Variants in ANK2 observed in about 807,000 individuals in gnomAD.
ANK2 encodes the protein ankyrin 2, also known as ankyrin-2.
In ANK2, 83 loss-of-function variants were observed where a neutral mutation model predicts 360.5. The ratio of observed to expected loss-of-function variants is 0.23; its 90% CI spans 0.19 to 0.28. ANK2 has a LOEUF of 0.28. Among genes scored for constraint, ANK2 ranks in the 10% least tolerant of loss-of-function variants. ANK2 has a pLI of 1.00. For synonymous variants in ANK2, 1,740 were observed against 1,759.5 expected (o/e 0.99, Z 0.28); for missense variants, 4,201 against 4,795.7 (o/e 0.88, Z 3.66).
At chr4:112,889,377 A>G (rs886349237) in intron 1 of ANK2, among the ~76,000 whole-genome samples, 5 of 152,164 alleles carry the variant, frequency 3.3e-5, no homozygotes, top group Non-Finnish European at 5.9e-5. Context: ...ATAGACTATT[A>G]TATACACTTA....
At position 113,381,497 on chromosome 4, in the gene ANK2, G is replaced by A; in HGVS notation, c.*26G>A. Reference sequence around the variant, plus strand: ...AGCCATCACACAGAAGAGGGCTGTGGTGAAGGACCAGCATGGAAAACGCAT... The same window carrying A: ...AGCCATCACACAGAAGAGGGCTGTGATGAAGGACCAGCATGGAAAACGCAT... On this transcript the variant is annotated 3_prime_UTR_variant, in exon 46 of 46. Coordinates refer to ENST00000357077, the MANE Select transcript of ANK2 (RefSeq NM_001148.6). The A allele has an allele frequency of 6.2e-7, 1 of 1,614,100 alleles. No individual in the cohort carries two copies.
chr4:113,277,789 G>A (rs2153697963), intron 15 of ANK2, 48 bp from the exon 16 acceptor site: 1 of 1,446,842 alleles, frequency 6.9e-7, no homozygotes. Context: ...ATTTTTTGAG[G>A]AGTTACAACA....
At chr4:113,360,223 CA>C (rs1279186381) in intron 38 of ANK2, among the ~76,000 whole-genome samples, 2 of 152,092 alleles carry the variant, frequency 1.3e-5, no homozygotes, top group African/African-American at 4.8e-5. Flanking sequence ...AAACTTTGCC[CA>C]AAAGACATAT....
At chr4:113,371,014 T>C in intron 43 of ANK2, among the ~76,000 whole-genome samples, 1 of 152,178 alleles carries the variant, frequency 6.6e-6, no homozygotes. Context: ...TAATATAAAT[T>C]AAATTAGATA....
At chr4:113,264,364 G>A (rs1001508277) in intron 13 of ANK2, among the ~76,000 whole-genome samples, 2 of 152,158 alleles carry the variant, frequency 1.3e-5, no homozygotes, top group Non-Finnish European at 2.9e-5. Flanking sequence ...AGTTAAGTGA[G>A]ACAATGACAG....
chr4:113,116,054 G>A (rs918946059), intron 1 of ANK2, among the ~76,000 whole-genome samples: 1 of 152,158 alleles, frequency 6.6e-6, no homozygotes, highest in African/African-American at 2.4e-5. Context: ...AACTATGGCA[G>A]TATAGGTAAT....
In ANK2 at chr4:113,355,155, A is replaced by T. The variant is rs770096460; in HGVS notation, c.6537A>T (p.Pro2179=). ...VLTSPFNTTF[P]LDYMKDEFLP... is the part of the protein sequence containing the mutation. ...CTAGTCCTTTCAACACAACATTTCC[A>T]CTCGACTACATGAAAGATGAGTTCC... The change falls in exon 38 of 46, where the codon CCA becomes CCT. Residue 2179 remains proline (P), a synonymous_variant. Coordinates refer to ENST00000357077, the MANE Select transcript of ANK2 (RefSeq NM_001148.6). The T allele has an allele frequency of 3.1e-6, 5 of 1,614,058 alleles. No homozygotes were observed. The highest frequency in any genetic ancestry group is 4.2e-6 in the Non-Finnish European group (5 of 1,179,974).
intron 1 of ANK2, among the ~76,000 whole-genome samples, chr4:113,163,159 C>T (rs1013671678): frequency 6.6e-6 from 1 of 152,034 alleles, no homozygotes; most frequent in African/African-American, 2.4e-5. Flanking sequence ...GATTTGTTGA[C>T]ACTGTTGTGC....
intron 39 of ANK2, among the ~76,000 whole-genome samples, chr4:113,362,413 T>C (rs890112204): frequency 1.3e-5 from 2 of 152,072 alleles, no homozygotes; most frequent in Admixed American, 6.6e-5. Context: ...AGCATCCATA[T>C]GTAATGGTTT....
At chr4:113,029,129 A>G (rs1424678118) in intron 2 of ANK2, among the ~76,000 whole-genome samples, 1 of 152,160 alleles carries the variant, frequency 6.6e-6, no homozygotes, top group Non-Finnish European at 1.5e-5. Context: ...GAACATATAC[A>G]TAAGTGTGGA....
At chr4:113,061,519 T>C (rs1017040642) in intron 1 of ANK2, among the ~76,000 whole-genome samples, 1 of 152,120 alleles carries the variant, frequency 6.6e-6, no homozygotes, top group Non-Finnish European at 1.5e-5. Flanking sequence ...TGTCAGGAGA[T>C]AATTTTTGTA....
chr4:112,732,935 G>C, the ANK2 span, among the ~76,000 whole-genome samples: 7 of 151,190 alleles, frequency 4.6e-5, no homozygotes, highest in South Asian at 8.4e-4. Context: ...CAAAAAAAAA[G>C]GGGCCAGGCA....
At chr4:113,083,001 T>C (rs2083020128) in intron 1 of ANK2, among the ~76,000 whole-genome samples, 1 of 152,210 alleles carries the variant, frequency 6.6e-6, no homozygotes, top group Non-Finnish European at 1.5e-5. Context: ...CTTCCTGATA[T>C]ATACATTTGG....
rs1323284534 is a variant in ANK2 at position 113,359,065 on chromosome 4, G to A, written c.10447G>A (p.Asp3483Asn). 2.7e-5 allele frequency: 43 copies of A among 1,613,984 alleles called. No individual in the cohort carries two copies. Among genetic ancestry groups the A allele is most frequent in the Non-Finnish European group, 3.6e-5 (42 of 1,179,966 alleles). Residue 3483 changes from aspartate (D) to asparagine (N), a missense_variant, in exon 38 of 46, where the codon GAT (aspartate) becomes AAT (asparagine). Asp to Asn is a conservative substitution (Grantham distance 23). Coordinates refer to ENST00000357077, the MANE Select transcript of ANK2 (RefSeq NM_001148.6). ...NSIEFFEEISDEASKLVDRLT... is the reference protein window; with the variant it reads ...NSIEFFEEISNEASKLVDRLT... ...CATAGAATTCTTTGAGGAGATTAGT[G>A]ATGAGGCTTCCAAATTAGTGGATAG...
chr4:113,228,143 C>T (rs1319478398), intron 4 of ANK2, among the ~76,000 whole-genome samples: 1 of 152,148 alleles, frequency 6.6e-6, no homozygotes, highest in Non-Finnish European at 1.5e-5. Context: ...TACTCTTCTC[C>T]CCATATTCTT....
At chr4:112,870,642 C>T (rs544376842) in intron 1 of ANK2, among the ~76,000 whole-genome samples, 17 of 152,340 alleles carry the variant, frequency 1.1e-4, no homozygotes, top group Admixed American at 1.0e-3. Context: ...TTTCTGGACA[C>T]TATTCCACTT....
At chr4:112,837,978 T>C (rs1486200609) in intron 1 of ANK2, among the ~76,000 whole-genome samples, 3 of 152,128 alleles carry the variant, frequency 2.0e-5, no homozygotes, top group African/African-American at 7.2e-5. Context: ...GCATGATTGG[T>C]TTCAAAATGT....
intron 1 of ANK2, among the ~76,000 whole-genome samples, chr4:112,869,780 T>C (rs889727620): frequency 6.6e-6 from 1 of 152,156 alleles, no homozygotes; most frequent in African/African-American, 2.4e-5. Flanking sequence ...CCGCCTTAGT[T>C]GAAGTGATTC....
chr4:112,849,050 A>G (rs2064006903), intron 1 of ANK2, among the ~76,000 whole-genome samples: 1 of 152,236 alleles, frequency 6.6e-6, no homozygotes, highest in African/African-American at 2.4e-5. Flanking sequence ...TTCATAGTCC[A>G]TGTTTATTGA....
Sources: gnomAD v4.1 joint callset for allele counts (sites outside exome capture counted in the v4.1 genomes callset) on GRCh38, gnomAD v4.1.1 for gene constraint, MANE v1.5 for transcripts, NCBI Gene and HGNC (gene_info 2026-07-23, HGNC 2026-07-21) for gene names.